AGBL4: variants seen among roughly 807,000 people sequenced by gnomAD.
The protein encoded by AGBL4 is cytosolic carboxypeptidase 6.
AGBL4 carries 58 observed loss-of-function variants against 66.4 expected under a neutral mutation model. That is an observed-to-expected ratio of 0.87 (90% confidence interval 0.71 to 1.09). The LOEUF (loss-of-function observed/expected upper bound fraction) is 1.09, where lower values mean the gene tolerates loss of function less well. Ranked by LOEUF, AGBL4 falls within the 50% of genes least tolerant of loss-of-function variation. The probability of loss-of-function intolerance (pLI) is 0.00; values close to 1 mark genes in which losing one functional copy is unlikely to be tolerated. For synonymous variants in AGBL4, 234 were observed against 222.9 expected (o/e 1.05, Z -0.44); for missense variants, 579 against 631.0 (o/e 0.92, Z 0.88).
chr1:49,086,723 G>A (rs1447094826), intron 4 of AGBL4, among the ~76,000 whole-genome samples: 3 of 152,118 alleles, frequency 2.0e-5, no homozygotes, highest in East Asian at 3.9e-4. Flanking sequence ...ACCTGCTAGA[G>A]CTTCCAGCCC....
At chr1:49,675,733 A>G (rs1409531564) in intron 3 of AGBL4, among the ~76,000 whole-genome samples, 3 of 152,040 alleles carry the variant, frequency 2.0e-5, no homozygotes, top group Non-Finnish European at 4.4e-5. Flanking sequence ...ATCTGTATCT[A>G]CTAAGGGAGA....
intron 5 of AGBL4, among the ~76,000 whole-genome samples, chr1:48,889,195 C>A (rs988227134): frequency 6.6e-6 from 1 of 152,214 alleles, no homozygotes; most frequent in African/African-American, 2.4e-5. Flanking sequence ...ACTACCAATG[C>A]CCTGCCCCTC....
intron 6 of AGBL4, among the ~76,000 whole-genome samples, chr1:48,687,075 G>A (rs917695129): frequency 2.6e-5 from 4 of 152,228 alleles, no homozygotes; most frequent in Non-Finnish European, 4.4e-5. Flanking sequence ...GTGGGGCAGC[G>A]GGGCAGTCAG....
chr1:49,836,605 G>A (rs1199743901), intron 2 of AGBL4, among the ~76,000 whole-genome samples: 1 of 152,146 alleles, frequency 6.6e-6, no homozygotes, highest in Non-Finnish European at 1.5e-5. Context: ...TCTCTGTCTA[G>A]TTTTGTTCCC....
At chr1:49,497,816 C>T (rs779340659) in intron 3 of AGBL4, among the ~76,000 whole-genome samples, 2 of 151,886 alleles carry the variant, frequency 1.3e-5, no homozygotes, top group Non-Finnish European at 2.9e-5. Flanking sequence ...TGTGATGCCC[C>T]CAGCTGTTCT....
At chr1:49,319,796 G>C (rs763634564) in intron 3 of AGBL4, among the ~76,000 whole-genome samples, 22 of 152,200 alleles carry the variant, frequency 1.4e-4, no homozygotes, top group Non-Finnish European at 2.9e-4. Context: ...AGAGGAAGAA[G>C]ACAGAGAAAG....
chr1:48,933,708 C>T (rs1655223982), intron 5 of AGBL4, among the ~76,000 whole-genome samples: 1 of 152,116 alleles, frequency 6.6e-6, no homozygotes, highest in African/African-American at 2.4e-5. Flanking sequence ...TCTGTCAGGC[C>T]TCTGCTAAAG....
At chr1:48,539,534 G>C in intron 12 of AGBL4, 108 bp downstream of exon 12, 1 of 825,902 alleles carries the variant, frequency 1.2e-6, no homozygotes. Context: ...TATCTTTCCT[G>C]CGGCACAGAT....
At chr1:49,292,355 G>A (rs1023574773) in intron 3 of AGBL4, among the ~76,000 whole-genome samples, 3 of 152,190 alleles carry the variant, frequency 2.0e-5, no homozygotes, top group African/African-American at 7.2e-5. Context: ...AAGGGGCCAG[G>A]TCCCCAGTTA....
rs184549952 is a variant in AGBL4, at chr1:48,911,077, T to G, written c.595-43847A>C. 3.1e-3 allele frequency among the ~76,000 whole-genome samples: 472 copies of G among 152,344 alleles called. 3 individuals are homozygous for G. The highest frequency in any genetic ancestry group is 0.01 in the African/African-American group (420 of 41,590). Reference sequence around the variant, plus strand: ...CCCTTTAAAAAAGAATGGAGCCTGTTTCTGATCCCATCAAGCTCATTCATC... The same window carrying G: ...CCCTTTAAAAAAGAATGGAGCCTGTGTCTGATCCCATCAAGCTCATTCATC... On this transcript the variant is annotated intron_variant, in intron 5 of 13. Transcript: ENST00000371839.
intron 3 of AGBL4, among the ~76,000 whole-genome samples, chr1:49,639,322 A>G (rs1645736545): frequency 6.6e-6 from 1 of 152,202 alleles, no homozygotes; most frequent in Admixed American, 6.5e-5. Context: ...AATAATAATG[A>G]TACTAAACAC....
chr1:49,379,585 T>C (rs1644548625), intron 3 of AGBL4, among the ~76,000 whole-genome samples: 1 of 152,176 alleles, frequency 6.6e-6, no homozygotes. Context: ...GTTTTTAGCA[T>C]GAAGCGTTGT....
intron 6 of AGBL4, among the ~76,000 whole-genome samples, chr1:48,714,781 G>C (rs986443728): frequency 6.6e-6 from 1 of 152,170 alleles, no homozygotes; most frequent in African/African-American, 2.4e-5. Context: ...CACCTGTGCA[G>C]GTCCTCCAGC....
chr1:49,477,902 G>A (rs951401884), intron 3 of AGBL4, among the ~76,000 whole-genome samples: 1 of 151,652 alleles, frequency 6.6e-6, no homozygotes, highest in Non-Finnish European at 1.5e-5. Flanking sequence ...AGATTCTGGA[G>A]ATGAAAATGC....
At chr1:49,082,065 T>G (rs577837037) in intron 4 of AGBL4, among the ~76,000 whole-genome samples, 1 of 152,332 alleles carries the variant, frequency 6.6e-6, no homozygotes, top group South Asian at 2.1e-4. Flanking sequence ...CCAAGGATGT[T>G]AATCTCTAAG....
At chr1:48,577,837 C>T (rs1644678116) in intron 11 of AGBL4, among the ~76,000 whole-genome samples, 1 of 152,160 alleles carries the variant, frequency 6.6e-6, no homozygotes, top group Non-Finnish European at 1.5e-5. Flanking sequence ...GTCCCAACCT[C>T]TGCAGGGTTC....
At chr1:48,965,541 G>A (rs1033523918) in intron 5 of AGBL4, among the ~76,000 whole-genome samples, 1 of 152,146 alleles carries the variant, frequency 6.6e-6, no homozygotes, top group African/African-American at 2.4e-5. Flanking sequence ...TCACCACAGT[G>A]GTAGCACCGG....
chr1:50,013,279 C>T (rs1228213820), intron 1 of AGBL4, among the ~76,000 whole-genome samples: 1 of 152,130 alleles, frequency 6.6e-6, no homozygotes, highest in Non-Finnish European at 1.5e-5. Flanking sequence ...TAAATAAGAT[C>T]ATGAGTCCTT....
chr1:48,800,813 A>G (rs1229749193), intron 6 of AGBL4, among the ~76,000 whole-genome samples: 1 of 152,206 alleles, frequency 6.6e-6, no homozygotes, highest in African/African-American at 2.4e-5. Flanking sequence ...AGCTTGCCCT[A>G]ATACTTGGCC....
Sources: allele counts gnomAD v4.1 joint callset (sites outside exome capture counted in the v4.1 genomes callset), GRCh38; gene constraint gnomAD v4.1.1; transcripts MANE v1.5; gene names NCBI Gene and HGNC (gene_info 2026-07-23, HGNC 2026-07-21).